Variants in WDFY2 observed in about 807,000 individuals in gnomAD.
WDFY2 encodes WD repeat and FYVE domain-containing protein 2.
A neutral mutation model predicts 56.4 loss-of-function variants in WDFY2; 36 were observed. That is an observed-to-expected ratio of 0.64 (90% CI 0.49 to 0.84). The LOEUF is 0.84. Among genes scored for constraint, WDFY2 ranks in the 40% least tolerant of loss-of-function variants. WDFY2 has a pLI of 0.00. For synonymous variants in WDFY2, 176 were observed against 183.7 expected (o/e 0.96, Z 0.34); for missense variants, 444 against 512.2 (o/e 0.87, Z 1.29).
At chr13:51,645,583 C>T (rs1325922680) in intron 1 of WDFY2, among the ~76,000 whole-genome samples, 1 of 152,132 alleles carries the variant, frequency 6.6e-6, no homozygotes, top group African/African-American at 2.4e-5. Context: ...TTATTGTAGG[C>T]ACGTTTCCAC....
chr13:51,708,471 C>T (rs1278284954), intron 4 of WDFY2, among the ~76,000 whole-genome samples: 5 of 151,218 alleles, frequency 3.3e-5, no homozygotes, highest in Non-Finnish European at 5.9e-5. Context: ...AGAGCAAGAC[C>T]CTGTCTCTAA....
At chr13:51,688,556 C>T (rs1956099239) in intron 3 of WDFY2, among the ~76,000 whole-genome samples, 1 of 152,078 alleles carries the variant, frequency 6.6e-6, no homozygotes, top group African/African-American at 2.4e-5. Flanking sequence ...TATCTCTAGA[C>T]TTTCATTTCC....
intron 1 of WDFY2, among the ~76,000 whole-genome samples, chr13:51,629,500 C>T (rs951787054): frequency 6.6e-6 from 1 of 152,046 alleles, no homozygotes; most frequent in Non-Finnish European, 1.5e-5. Flanking sequence ...TTAGTTTTCT[C>T]TATTTATTTA....
intron 3 of WDFY2, among the ~76,000 whole-genome samples, chr13:51,696,653 G>A (rs1269097870): frequency 1.3e-5 from 2 of 152,078 alleles, no homozygotes; most frequent in Admixed American, 6.5e-5. Flanking sequence ...ATTTTAATTC[G>A]CACCTCTTGT....
chr13:51,763,279 C>T lies in WDFY2; in HGVS notation c.*3510C>T, dbSNP rs1011721047. The T allele has an allele frequency of 1.6e-4, 25 of 152,250 alleles. No individual in the cohort carries two copies. Among genetic ancestry groups the T allele is most frequent in the Admixed American group, 1.2e-3 (19 of 15,296 alleles). The allele number at this position is 152,250 out of a possible 1,614,324, so 9.4% of individuals were successfully genotyped here. ...CCAGCTTTGTTCCTCTTATCGAAAGCATATATGACAGTTTTTTTGGCTCCG... is the reference window on the plus strand; with the variant it reads ...CCAGCTTTGTTCCTCTTATCGAAAGTATATATGACAGTTTTTTTGGCTCCG... On this transcript the variant is annotated 3_prime_UTR_variant, in exon 12 of 12. Coordinates refer to ENST00000298125, the MANE Select transcript of WDFY2 (RefSeq NM_052950.4).
intron 7 of WDFY2, among the ~76,000 whole-genome samples, chr13:51,746,523 C>T (rs760890807): frequency 3.9e-5 from 6 of 152,216 alleles, no homozygotes; most frequent in Non-Finnish European, 8.8e-5. Context: ...GCATCATTCT[C>T]ACACATGACA....
intron 1 of WDFY2, among the ~76,000 whole-genome samples, chr13:51,641,825 CAAAAAAAAAAAAA>C (rs750489541): frequency 4.8e-4 from 18 of 37,424 alleles, no homozygotes; most frequent in Admixed American, 6.5e-4. Flanking sequence ...GACTCCGTCT[CAAAAAAAAAAAAA>C]AAAAAAAAAA....
intron 4 of WDFY2, among the ~76,000 whole-genome samples, chr13:51,709,717 C>T (rs1342967103): frequency 6.6e-6 from 1 of 152,168 alleles, no homozygotes; most frequent in East Asian, 1.9e-4. Flanking sequence ...CACATACACC[C>T]TCCCAAGACT....
chr13:51,609,126 G>A (rs983305957), intron 1 of WDFY2, among the ~76,000 whole-genome samples: 1 of 152,116 alleles, frequency 6.6e-6, no homozygotes, highest in African/African-American at 2.4e-5. Context: ...AAAAAATTGT[G>A]AAATATACAG....
chr13:51,685,553 G>T (rs958079852), intron 3 of WDFY2, among the ~76,000 whole-genome samples: 24 of 152,218 alleles, frequency 1.6e-4, no homozygotes, highest in African/African-American at 5.8e-4. Context: ...AAGAAAATGT[G>T]ACTAAGAAAA....
chr13:51,755,772 A>G (rs185150433), intron 9 of WDFY2, among the ~76,000 whole-genome samples: 8 of 152,318 alleles, frequency 5.3e-5, no homozygotes, highest in Admixed American at 3.9e-4. Flanking sequence ...ATGAAATTAT[A>G]TAAGTGGTGT....
At chr13:51,648,319 TG>T (rs1247506118) in intron 1 of WDFY2, among the ~76,000 whole-genome samples, 2 of 152,192 alleles carry the variant, frequency 1.3e-5, no homozygotes, top group Non-Finnish European at 2.9e-5. Flanking sequence ...TTGCACTAGA[TG>T]TCTGTCCAGG....
At chr13:51,588,053 A>T (rs574178282) in intron 1 of WDFY2, 1 of 152,270 alleles carries the variant, frequency 6.6e-6, no homozygotes, top group Non-Finnish European at 1.5e-5. Context: ...CTACCATAAT[A>T]CAGAGCCTGT....
chr13:51,649,423 C>CT lies in WDFY2; in HGVS notation c.138-11158dup, dbSNP rs869208487. 6.1e-3 allele frequency among the ~76,000 whole-genome samples: 858 copies of CT among 139,746 alleles called. 6 individuals carry two copies. Among genetic ancestry groups the CT allele is most frequent in the African/African-American group, 0.016 (619 of 38,132 alleles). 91.7% of individuals were successfully genotyped at this position (139,746 alleles called of 152,430 possible). ...CTTTCCCTGCATTTCAGCGGTCAGA[C>CT]TTTTTTTTTTTTTTTAAATACTTTA... is the stretch of plus-strand genomic sequence containing the variant. On this transcript the variant is annotated intron_variant, in intron 1 of 11. Transcript: ENST00000298125.
chr13:51,658,371 C>G (rs1955549928), intron 1 of WDFY2, among the ~76,000 whole-genome samples: 1 of 152,190 alleles, frequency 6.6e-6, no homozygotes, highest in African/African-American at 2.4e-5. Flanking sequence ...GAAACAATAG[C>G]CAGCCTTTGC....
chr13:51,605,731 A>G (rs1368199651), intron 1 of WDFY2, among the ~76,000 whole-genome samples: 1 of 152,200 alleles, frequency 6.6e-6, no homozygotes, highest in Non-Finnish European at 1.5e-5. Flanking sequence ...TTGATGATAT[A>G]TCCACACTGC....
intron 1 of WDFY2, among the ~76,000 whole-genome samples, chr13:51,638,837 A>G (rs1955101208): frequency 6.6e-6 from 1 of 152,348 alleles, no homozygotes; most frequent in Admixed American, 6.5e-5. Context: ...GCCTTTGGCG[A>G]AGGGACTATG....
chr13:51,692,943 A>C (rs1342852792), intron 3 of WDFY2, among the ~76,000 whole-genome samples: 1 of 152,144 alleles, frequency 6.6e-6, no homozygotes, highest in Non-Finnish European at 1.5e-5. Context: ...ATGTTGAGGA[A>C]TTTATCCATT....
At position 51,719,243 on chromosome 13, in the gene WDFY2, AG is replaced by A; in HGVS notation, c.381del (p.Glu127AspfsTer4). The part of the protein sequence containing the change: ...VTMILFVLEL[E>X]WVLSTGQDKQ... The stretch of plus-strand genomic sequence containing the variant: ...ATGATCCTGTTTGTCCTGGAGCTGG[AG>A]TGGGTGCTGAGCACAGGACAGGACA... On this transcript the variant is annotated frameshift_variant, in exon 5 of 12. Coordinates refer to ENST00000298125, the MANE Select transcript of WDFY2 (RefSeq NM_052950.4). LOFTEE classifies it high-confidence loss of function. The A allele has an allele frequency of 2.5e-6, 4 of 1,614,156 alleles. No individual in the cohort carries two copies. The highest frequency in any genetic ancestry group is 3.4e-6 in the Non-Finnish European group (4 of 1,180,036).
Sources: allele counts gnomAD v4.1 joint callset (sites outside exome capture counted in the v4.1 genomes callset), GRCh38; gene constraint gnomAD v4.1.1; transcripts MANE v1.5; gene names NCBI Gene and HGNC (gene_info 2026-07-23, HGNC 2026-07-21).